DLGAP2: variants seen among roughly 807,000 people sequenced by gnomAD.
The protein encoded by DLGAP2 is disks large-associated protein 2.
Under a neutral mutation model 100.3 loss-of-function variants are expected in DLGAP2, and 26 were observed. The ratio of observed to expected loss-of-function variants is 0.26; its 90% confidence interval spans 0.19 to 0.36. DLGAP2 has a LOEUF of 0.36. DLGAP2 is among the 10% of genes least tolerant of loss of function. The probability of loss-of-function intolerance (pLI) is 1.00; values close to 1 mark genes in which losing one functional copy is unlikely to be tolerated. For synonymous variants in DLGAP2, 886 were observed against 630.1 expected (o/e 1.41, Z -6.08); for missense variants, 1,858 against 1,453.2 (o/e 1.28, Z -4.53).
At chr8:971,408 A>G (rs1800010774) in intron 2 of DLGAP2, among the ~76,000 whole-genome samples, 1 of 152,208 alleles carries the variant, frequency 6.6e-6, no homozygotes, top group Non-Finnish European at 1.5e-5. Context: ...TTGAGGTCAC[A>G]GGGCACGTGT....
At chr8:1,653,616 G>A (rs1798216892) in intron 8 of DLGAP2, among the ~76,000 whole-genome samples, 1 of 152,218 alleles carries the variant, frequency 6.6e-6, no homozygotes, top group Non-Finnish European at 1.5e-5. Flanking sequence ...GTGGGCAGAG[G>A]GCAAGTCAGG....
chr8:1,325,344 T>C (rs1800996572), intron 3 of DLGAP2, among the ~76,000 whole-genome samples: 1 of 152,210 alleles, frequency 6.6e-6, no homozygotes, highest in African/African-American at 2.4e-5. Context: ...GCTGCCTGTG[T>C]GTCCAGCCAT....
At chr8:1,531,931 A>G (rs1316541747) in intron 4 of DLGAP2, among the ~76,000 whole-genome samples, 1 of 152,190 alleles carries the variant, frequency 6.6e-6, no homozygotes, top group Non-Finnish European at 1.5e-5. Context: ...ACATGTGCCC[A>G]AGGTGGTTGG....
chr8:1,074,485 C>T (rs1330173620), intron 2 of DLGAP2, among the ~76,000 whole-genome samples: 2 of 152,210 alleles, frequency 1.3e-5, no homozygotes, highest in Non-Finnish European at 2.9e-5. Context: ...TCATGTGGGA[C>T]AGAGGGAAGT....
intron 3 of DLGAP2, among the ~76,000 whole-genome samples, chr8:1,454,860 T>A (rs540161187): frequency 6.6e-6 from 1 of 152,182 alleles, no homozygotes; most frequent in Non-Finnish European, 1.5e-5. Context: ...TTAGGGCCTT[T>A]GGTGGTCCTG....
Position 1,358,464 on chromosome 8 carries a change from C to G in DLGAP2, c.106+99581C>G, listed in dbSNP as rs568381647. 4.6e-5 allele frequency among the ~76,000 whole-genome samples: 7 copies of G among 152,284 alleles called. 1 individual carries two copies. Among genetic ancestry groups the G allele is most frequent in the Non-Finnish European group, 1.0e-4 (7 of 68,006 alleles). ...GATTTTAGCTGTTTCTCCACACTCA[C>G]AGACGTAACCATGTGAGGCAAGGGC... On this transcript the variant is annotated intron_variant, in intron 3 of 14. Coordinates refer to ENST00000637795, the MANE Select transcript of DLGAP2 (RefSeq NM_001346810.2).
Position 1,000,353 on chromosome 8 carries a change from T to G in DLGAP2, c.73+92387T>G, listed in dbSNP as rs192112405. On this transcript the variant is annotated intron_variant, in intron 2 of 14. Transcript: ENST00000637795. ...AGATCCGGGTGGAGGTGGTTTTCTT[T>G]CGCACTGGATTTTCTCTAGAGCGGA... Among the ~76,000 whole-genome samples, 34 of 152,066 alleles carry G rather than the reference T, an allele frequency of 2.2e-4. No homozygotes were observed. In the East Asian group the frequency reaches 6.4e-3, roughly 29 times the overall value.
intron 2 of DLGAP2, among the ~76,000 whole-genome samples, chr8:1,257,664 G>A (rs1024837846): frequency 4.6e-5 from 7 of 152,192 alleles, no homozygotes; most frequent in Non-Finnish European, 1.0e-4. Flanking sequence ...GGAAGAGCCA[G>A]TGTCTTTCTG....
chr8:1,213,463 G>C (rs528669864), intron 2 of DLGAP2, among the ~76,000 whole-genome samples: 7 of 152,068 alleles, frequency 4.6e-5, no homozygotes, highest in East Asian at 1.9e-4. Context: ...TAATGTCCCA[G>C]AGTACTCACC....
At chr8:1,379,307 G>A (rs770611914) in intron 3 of DLGAP2, among the ~76,000 whole-genome samples, 10 of 152,260 alleles carry the variant, frequency 6.6e-5, no homozygotes, top group African/African-American at 1.7e-4. Flanking sequence ...AGCTCAGTGC[G>A]AGGCATGGGC....
In DLGAP2 at chr8:1,512,199, G is replaced by A. The variant is rs1197069296; in HGVS notation, c.172+10768G>A. 2.0e-5 allele frequency among the ~76,000 whole-genome samples: 3 copies of A among 152,234 alleles called. No homozygotes were observed. The East Asian group carries it at 5.8e-4, about 29-fold the overall frequency. On this transcript the variant is annotated intron_variant, in intron 4 of 14. Coordinates refer to ENST00000637795, the MANE Select transcript of DLGAP2 (RefSeq NM_001346810.2). ...GCACTCACGTTGCAGAAAGCCTGTT[G>A]CTAGCAAACAGATGTCCATTGTAGA...
intron 2 of DLGAP2, among the ~76,000 whole-genome samples, chr8:1,194,213 C>T (rs1432333006): frequency 3.3e-5 from 5 of 152,106 alleles, no homozygotes; most frequent in Admixed American, 3.3e-4. Flanking sequence ...GCCTTGTTCT[C>T]AGCCCGACTC....
At chr8:1,508,814 G>A (rs949259664) in intron 4 of DLGAP2, among the ~76,000 whole-genome samples, 2 of 151,722 alleles carry the variant, frequency 1.3e-5, no homozygotes, top group African/African-American at 2.4e-5. Flanking sequence ...CGGGGAAGAC[G>A]GGGAAGACGG....
chr8:1,632,831 G>T lies in DLGAP2; in HGVS notation c.1595G>T (p.Ser532Ile). The change falls in exon 8 of 15, where the codon AGC (serine) becomes ATC (isoleucine). Residue 532 changes from serine (S) to isoleucine (I), a missense_variant. Transcript: ENST00000637795. ...GTGTGCTGTTGATGATTGCAGGTGA[G>T]CGAGGCGGAGATCAATGGGCAATTC... ...LSQASCVSQV[S>I]EAEINGQFES... The T allele has an allele frequency of 6.2e-7, 1 of 1,605,950 alleles. No individual in the cohort carries two copies. Among genetic ancestry groups the T allele is most frequent in the Non-Finnish European group, 8.5e-7 (1 of 1,175,164 alleles).
rs73532664 is a variant in DLGAP2 at position 1,428,107 on chromosome 8, A to G, written c.107-73259A>G. Among the ~76,000 whole-genome samples the G allele has an allele frequency of 5.1e-3, 777 of 152,030 alleles. 7 individuals carry two copies. Among genetic ancestry groups the G allele is most frequent in the African/African-American group, 0.018 (740 of 41,416 alleles). On this transcript the variant is annotated intron_variant, in intron 3 of 14. Transcript: ENST00000637795. ...AAAAGAACAGAGTACGCTAAATAAA[A>G]TAAGAGAAAGAAAATGATAAATATA... is the stretch of plus-strand genomic sequence containing the variant.
chr8:1,370,983 C>G (rs1338140270), intron 3 of DLGAP2, among the ~76,000 whole-genome samples: 1 of 152,202 alleles, frequency 6.6e-6, no homozygotes, highest in African/African-American at 2.4e-5. Context: ...CGCTTTACAC[C>G]ATGGATAGTA....
intron 1 of DLGAP2, among the ~76,000 whole-genome samples, chr8:851,006 G>A (rs543184505): frequency 6.6e-6 from 1 of 152,256 alleles, no homozygotes; most frequent in African/African-American, 2.4e-5. Flanking sequence ...AAGTAGAGAC[G>A]CAGCAAAAGA....
chr8:1,619,225 C>G (rs1351712216), intron 6 of DLGAP2, among the ~76,000 whole-genome samples: 4 of 152,102 alleles, frequency 2.6e-5, no homozygotes, highest in African/African-American at 9.7e-5. Context: ...CACAAATGTC[C>G]AATAAGAATT....
chr8:1,009,156 C>G (rs969379473), intron 2 of DLGAP2, among the ~76,000 whole-genome samples: 1 of 152,188 alleles, frequency 6.6e-6, no homozygotes, highest in African/African-American at 2.4e-5. Context: ...TTGGTCAGCT[C>G]TGCCTCCTGC....
Sources: allele counts gnomAD v4.1 joint callset (sites outside exome capture counted in the v4.1 genomes callset), GRCh38; gene constraint gnomAD v4.1.1; transcripts MANE v1.5; gene names NCBI Gene and HGNC (gene_info 2026-07-23, HGNC 2026-07-21).